Variants in TTC3 observed in about 807,000 individuals in gnomAD.
TTC3 encodes the protein E3 ubiquitin-protein ligase TTC3.
TTC3 carries 180 observed loss-of-function variants against 249.6 expected under a neutral mutation model. The observed-to-expected ratio is 0.72, with a 90% confidence interval of 0.64 to 0.82. TTC3 has a LOEUF of 0.82. Among genes scored for constraint, TTC3 ranks in the 40% least tolerant of loss-of-function variants. The probability of loss-of-function intolerance (pLI) is 0.00; values close to 1 mark genes in which losing one functional copy is unlikely to be tolerated. For synonymous variants in TTC3, 717 were observed against 805.0 expected (o/e 0.89, Z 1.85); for missense variants, 2,061 against 2,398.4 (o/e 0.86, Z 2.94).
At chr21:37,088,522 CAT>C (rs1442595765) in intron 4 of TTC3, among the ~76,000 whole-genome samples, 176 bp downstream of exon 4, 1 of 152,096 alleles carries the variant, frequency 6.6e-6, no homozygotes, top group East Asian at 1.9e-4. Context: ...ATAATTGTAA[CAT>C]AATCAGTGAA....
In TTC3 at chr21:37,102,842, CA is replaced by C. The variant is rs548433416; in HGVS notation, c.846-5545del. 1.5e-3 allele frequency among the ~76,000 whole-genome samples: 222 copies of C among 152,138 alleles called. 2 individuals carry two copies. Among genetic ancestry groups the C allele is most frequent in the African/African-American group, 4.9e-3 (204 of 41,526 alleles). On this transcript the variant is annotated intron_variant, in intron 10 of 45. Coordinates refer to ENST00000355666, the Ensembl canonical transcript of TTC3. Reference sequence around the variant, plus strand: ...TGAAACCCTGTCTGTACTAAAAATACAAAAATTAGGTGGGCATGTTGGTGCA... The same window carrying C: ...TGAAACCCTGTCTGTACTAAAAATACAAAATTAGGTGGGCATGTTGGTGCA...
intron 16 of TTC3, 82 bp downstream of exon 16, chr21:37,129,145 A>G (rs2077272401): frequency 1.9e-5 from 17 of 908,212 alleles, no homozygotes; most frequent in Non-Finnish European, 2.6e-5. Context: ...TTTTTCGAGT[A>G]TTAGCTACTT....
chr21:37,173,881 A>G (rs1419052739), intron 35 of TTC3, among the ~76,000 whole-genome samples: 5 of 152,206 alleles, frequency 3.3e-5, no homozygotes, highest in Admixed American at 1.3e-4. Context: ...ACAAAATCCT[A>G]CACAGCATAG....
chr21:37,169,414 C>T (rs2081532585), intron 34 of TTC3, among the ~76,000 whole-genome samples: 1 of 152,060 alleles, frequency 6.6e-6, no homozygotes, highest in African/African-American at 2.4e-5. Flanking sequence ...GGTGTGGTAG[C>T]TTACCTGTAA....
exon 4 of TTC3, chr21:37,088,235 C>G (rs556511744): frequency 6.2e-7 from 1 of 1,612,060 alleles, no homozygotes; most frequent in East Asian, 2.2e-5. Context: ...AAACCAATTT[C>G]TGTCCTGCAA....
chr21:37,105,753 T>C (rs938840660), intron 10 of TTC3, among the ~76,000 whole-genome samples: 1 of 152,210 alleles, frequency 6.6e-6, no homozygotes, highest in Non-Finnish European at 1.5e-5. Context: ...TAATATACTA[T>C]GTGTTCTTTT....
chr21:37,167,311 A>G (rs1313481080), intron 33 of TTC3, among the ~76,000 whole-genome samples: 3 of 152,154 alleles, frequency 2.0e-5, no homozygotes, highest in Non-Finnish European at 2.9e-5. Context: ...TGCCCCACTC[A>G]TTATGTTTTC....
chr21:37,144,980 G>A (rs2078861033), intron 21 of TTC3, among the ~76,000 whole-genome samples: 1 of 152,200 alleles, frequency 6.6e-6, no homozygotes, highest in African/African-American at 2.4e-5. Context: ...CCTGGAACTT[G>A]AGTCCAGGCA....
intron 13 of TTC3, 127 bp from the exon 14 acceptor site, chr21:37,124,492 G>T (rs1172370097): frequency 1.0e-6 from 1 of 966,704 alleles, no homozygotes; most frequent in Non-Finnish European, 1.5e-6. Context: ...CCATCTCACA[G>T]GTAGGAAATC....
intron 9 of TTC3, among the ~76,000 whole-genome samples, chr21:37,095,707 C>T (rs964652305): frequency 2.0e-5 from 3 of 152,204 alleles, no homozygotes; most frequent in Non-Finnish European, 4.4e-5. Flanking sequence ...AGAGTTACCT[C>T]TTTTGTCTTG....
At chr21:37,200,006 T>A (rs2085332976) in intron 44 of TTC3, among the ~76,000 whole-genome samples, 1 of 152,262 alleles carries the variant, frequency 6.6e-6, no homozygotes, top group African/African-American at 2.4e-5. Flanking sequence ...AACAGTTTTT[T>A]CTCTGAGGAA....
At chr21:37,168,285 A>G (rs974519537) in intron 34 of TTC3, among the ~76,000 whole-genome samples, 2 of 152,172 alleles carry the variant, frequency 1.3e-5, no homozygotes, top group Non-Finnish European at 1.5e-5. Flanking sequence ...TCCTGGGTAT[A>G]TTAACTGAGA....
chr21:37,160,633 C>T (rs1431340838), intron 29 of TTC3, among the ~76,000 whole-genome samples, 169 bp from the exon 30 acceptor site: 2 of 151,942 alleles, frequency 1.3e-5, no homozygotes, highest in African/African-American at 2.4e-5. Context: ...TGTTTGTTTT[C>T]TATTATAAAT....
intron 1 of TTC3, chr21:37,082,604 A>G: frequency 2.0e-6 from 2 of 985,354 alleles, no homozygotes; most frequent in Non-Finnish European, 2.4e-6. Context: ...TTGTAGCACT[A>G]AACTGTAGCC....
chr21:37,096,764 A>G (rs1601382351), intron 10 of TTC3, 121 bp downstream of exon 10: 1 of 696,428 alleles, frequency 1.4e-6, no homozygotes, highest in South Asian at 1.9e-5. Flanking sequence ...AGAAATACTT[A>G]AGTGGTTAAA....
Position 37,153,359 on chromosome 21 carries a change from C to T in TTC3, c.2740+82C>T, listed in dbSNP as rs895151501. 11 of 1,241,462 alleles carry T rather than the reference C, an allele frequency of 8.9e-6. No individual in the cohort carries two copies. The African/African-American group carries it at 1.4e-4, about 16-fold the overall frequency. The allele number at this position is 1,241,462 out of a possible 1,614,324, so 76.9% of individuals were successfully genotyped here. On this transcript the variant is annotated intron_variant, in intron 27 of 45. Transcript: ENST00000355666. The stretch of plus-strand genomic sequence containing the variant: ...CTCTGAGTCATTTTCATTTTCCTGC[C>T]ATATAATTTATAACTTTAAATGCAG...
chr21:37,164,297 G>T, intron 32 of TTC3, 82 bp downstream of exon 32: 34 of 1,209,492 alleles, frequency 2.8e-5, no homozygotes, highest in Middle Eastern at 2.3e-4. Context: ...ATTTGTGCCT[G>T]TTTTTAGAGA....
intron 35 of TTC3, among the ~76,000 whole-genome samples, 199 bp downstream of exon 35, chr21:37,172,943 C>T (rs2081936126): frequency 1.3e-5 from 2 of 152,268 alleles, no homozygotes; most frequent in South Asian, 4.2e-4. Context: ...TGCAAACTGC[C>T]TTATGAGAAA....
At chr21:37,100,577 CA>C (rs2074382018) in intron 10 of TTC3, among the ~76,000 whole-genome samples, 1 of 152,150 alleles carries the variant, frequency 6.6e-6, no homozygotes, top group East Asian at 1.9e-4. Context: ...TAAATCCAAC[CA>C]CTTTTGGGTG....
Sources: allele counts gnomAD v4.1 joint callset (sites outside exome capture counted in the v4.1 genomes callset), GRCh38; gene constraint gnomAD v4.1.1; transcripts MANE v1.5; gene names NCBI Gene and HGNC (gene_info 2026-07-23, HGNC 2026-07-21).